Variants in HTRA2 observed in about 807,000 individuals in gnomAD.
HTRA2 encodes the protein serine protease HTRA2, mitochondrial.
HTRA2 carries 24 observed loss-of-function variants against 42.2 expected under a neutral mutation model. The observed-to-expected ratio is 0.57, with a 90% CI of 0.41 to 0.80. The LOEUF (loss-of-function observed/expected upper bound fraction) is 0.80, where lower values mean the gene tolerates loss of function less well. Ranked by LOEUF, HTRA2 falls within the 30% of genes least tolerant of loss-of-function variation. The pLI is 0.00. For missense variants in HTRA2, 466 were observed against 613.5 expected, an observed-to-expected ratio of 0.76 and a Z score of 2.54; for synonymous variants, 245 against 255.8, an observed-to-expected ratio of 0.96 and a Z score of 0.40.
At chr2:74,533,378 TC>T, downstream of HTRA2, 1 of 564,258 alleles carries the variant, frequency 1.8e-6, no homozygotes, top group South Asian at 2.0e-5. Context: ...TCTGGTCTGT[TC>T]TGCTCGGTGC....
chr2:74,530,302 C>G lies in HTRA2; in HGVS notation c.296C>G (p.Ser99Cys). The change falls in exon 1 of 8, where the codon TCT (serine) becomes TGT (cysteine). Residue 99 changes from serine (S) to cysteine (C), a missense_variant. By Grantham distance (112) the Ser-to-Cys change is moderately radical. Coordinates refer to ENST00000258080, the MANE Select transcript of HTRA2 (RefSeq NM_013247.5). The surrounding 1 kb of genome is among the most constrained non-coding windows in gnomAD (Gnocchi z 7.4). ...AGGACCCGGGAGGCCTCAGAGAACTCTGGAACCCGTTCGCGCGCGTGGCTG... is the reference window on the plus strand; with the variant it reads ...AGGACCCGGGAGGCCTCAGAGAACTGTGGAACCCGTTCGCGCGCGTGGCTG... ...DTRTREASEN[S>C]GTRSRAWLAV... The G allele has an allele frequency of 6.2e-7, 1 of 1,601,302 alleles. No individual in the cohort carries two copies. Among genetic ancestry groups the G allele is most frequent in the Non-Finnish European group, 8.5e-7 (1 of 1,172,210 alleles).
chr2:74,530,566 G>T lies in HTRA2; in HGVS notation c.507-51G>T. Reference sequence around the variant, plus strand: ...TGAAGCCACAGGCTGGAGGGCGGGCGGGTAGGAGGGGTCAGAGCCTCCTCT... The same window carrying T: ...TGAAGCCACAGGCTGGAGGGCGGGCTGGTAGGAGGGGTCAGAGCCTCCTCT... On this transcript the variant is annotated intron_variant, in intron 1 of 7. Transcript: ENST00000258080. The surrounding 1 kb of genome is among the most constrained non-coding windows in gnomAD (Gnocchi z 7.4). 6.2e-7 allele frequency: 1 copy of T among 1,613,656 alleles called. No individual in the cohort carries two copies. The highest frequency in any genetic ancestry group is 8.5e-7 in the Non-Finnish European group (1 of 1,179,992).
At position 74,530,378 on chromosome 2, in the gene HTRA2, G is replaced by T. The variant is rs1675499622; in HGVS notation, c.372G>T (p.Gly124=). 11 of 1,591,818 alleles carry T rather than the reference G, an allele frequency of 6.9e-6. No individual in the cohort carries two copies. The highest frequency in any genetic ancestry group is 8.5e-6 in the Non-Finnish European group (10 of 1,170,928). ...CAGTGCTGTTGTTGTTGTGGGGCGG[G>T]GGTCGGGGTCCTCCGGCCGTCCTCG... ...GGAVLLLLWG[G]GRGPPAVLAA... Residue 124 remains glycine, a synonymous_variant, in exon 1 of 8, where the codon GGG becomes GGT. Transcript: ENST00000258080. This position sits in a 1 kb window ranked among gnomAD's most constrained non-coding sequence, Gnocchi z 7.4.
chr2:74,530,261 G>A lies in HTRA2; in HGVS notation c.255G>A (p.Ala85=), dbSNP rs1441882997. Residue 85 remains alanine (A), a synonymous_variant, in exon 1 of 8, where the codon GCG becomes GCA. Coordinates refer to ENST00000258080, the MANE Select transcript of HTRA2 (RefSeq NM_013247.5). The surrounding 1 kb of genome is among the most constrained non-coding windows in gnomAD (Gnocchi z 7.4). ...CGGGTCCCCGGGCACAACTGACTGC[G>A]GTGACCCCAGATACCAGGACCCGGG... ...GTPGPRAQLT[A]VTPDTRTREA... The A allele has an allele frequency of 1.2e-6, 2 of 1,608,350 alleles. No homozygotes were observed. The highest frequency in any genetic ancestry group is 1.7e-6 in the Non-Finnish European group (2 of 1,177,340).
At chr2:74,533,519 T>C, downstream of HTRA2, 1 of 1,225,658 alleles carries the variant, frequency 8.2e-7, no homozygotes, top group Admixed American at 1.9e-5. Context: ...GTTGCTGACA[T>C]GGGTTTCTTG....
chr2:74,529,869 C>G (rs1675454607), upstream of HTRA2: 1 of 1,423,928 alleles, frequency 7.0e-7, no homozygotes, highest in Admixed American at 2.8e-5. Flanking sequence ...AGGAGTCGGC[C>G]TCCCGGAATC....
upstream of HTRA2, chr2:74,529,852 G>A: frequency 7.1e-7 from 1 of 1,417,376 alleles, no homozygotes; most frequent in East Asian, 2.5e-5. Context: ...GCATTCGTGG[G>A]GCAGGGAGGA....
rs201615648 is a variant in HTRA2, at chr2:74,531,688, G to A, written c.1031G>A (p.Arg344His). The A allele has an allele frequency of 1.2e-5, 20 of 1,614,070 alleles. No homozygotes were observed. In the Admixed American group the frequency reaches 1.3e-4, roughly 11 times the overall value. Residue 344 changes from arginine (R) to histidine (H), a missense_variant, in exon 5 of 8, where the codon CGT becomes CAT. By Grantham distance (29) the Arg-to-His change is conservative (BLOSUM62 0). Coordinates refer to ENST00000258080, the MANE Select transcript of HTRA2 (RefSeq NM_013247.5). ...PSDRLREFLH[R>H]GEKKNSSSGI... is the part of the protein sequence containing the mutation. ...GATCGTCTTCGAGAGTTTCTGCATCGTGGGGAAAAGAAGAGTGAGCCTGCC... is the reference window on the plus strand; with the variant it reads ...GATCGTCTTCGAGAGTTTCTGCATCATGGGGAAAAGAAGAGTGAGCCTGCC...
rs971048450 is a variant in HTRA2 at position 74,530,632 on chromosome 2, C to T, written c.522C>T (p.Gly174=). The T allele has an allele frequency of 3.7e-6, 6 of 1,614,138 alleles. No homozygotes were observed. The highest frequency in any genetic ancestry group is 5.1e-6 in the Non-Finnish European group (6 of 1,180,038). ...TCCATTTCAGGCACCCTTTCTTGGG[C>T]CGCGAGGTCCCTATCTCGAACGGCT... ...IEILDRHPFL[G]REVPISNGSG... Residue 174 remains glycine, a synonymous_variant, in exon 2 of 8, where the codon GGC becomes GGT. Transcript: ENST00000258080. The surrounding 1 kb of genome is among the most constrained non-coding windows in gnomAD (Gnocchi z 7.4).
chr2:74,531,843 C>G lies in HTRA2; in HGVS notation c.1046-13C>G. On this transcript the variant is annotated splice_polypyrimidine_tract_variant and intron_variant, in intron 5 of 7. Coordinates refer to ENST00000258080, the MANE Select transcript of HTRA2 (RefSeq NM_013247.5). ...ATGTAGCTGGGTGGGGCTCATTTGT[C>G]CCTCTGTCACAGATTCCTCCTCCGG... 1.9e-6 allele frequency: 3 copies of G among 1,613,700 alleles called. No individual in the cohort carries two copies. The highest frequency in any genetic ancestry group is 2.5e-6 in the Non-Finnish European group (3 of 1,180,006).
chr2:74,533,031 C>A lies in HTRA2; in HGVS notation c.*46C>A, dbSNP rs370663505. The A allele has an allele frequency of 5.6e-6, 9 of 1,596,464 alleles. No homozygotes were observed. In the African/African-American group the frequency reaches 1.1e-4, roughly 19 times the overall value. ...GGCTCCTGCTCTGATTTCCTCCTTGCCTTTCTGGCTGAGGTTCTGAGGGCA... is the reference window on the plus strand; with the variant it reads ...GGCTCCTGCTCTGATTTCCTCCTTGACTTTCTGGCTGAGGTTCTGAGGGCA... On this transcript the variant is annotated 3_prime_UTR_variant, in exon 8 of 8. Coordinates refer to ENST00000258080, the MANE Select transcript of HTRA2 (RefSeq NM_013247.5).
rs1675551758 is a variant in HTRA2, at chr2:74,531,045, C to T, written c.846C>T (p.Ala282=). ...TTGTTAGCTCTGCTCAGCGTCCAGC[C>T]AGAGACCTGGGACTCCCCCAAACCA... The part of the protein sequence containing the change: ...SGIVSSAQRP[A]RDLGLPQTNV... The change falls in exon 3 of 8, where the codon GCC becomes GCT. Residue 282 remains alanine (A), a synonymous_variant. Coordinates refer to ENST00000258080, the MANE Select transcript of HTRA2 (RefSeq NM_013247.5). 1 of 1,614,098 alleles carries T rather than the reference C, an allele frequency of 6.2e-7. No individual in the cohort carries two copies. The highest frequency in any genetic ancestry group is 8.5e-7 in the Non-Finnish European group (1 of 1,180,054).
rs1321110411 is a variant in HTRA2 at position 74,530,092 on chromosome 2, C to T, written c.86C>T (p.Pro29Leu). Residue 29 changes from proline (P) to leucine (L), a missense_variant, in exon 1 of 8, where the codon CCC becomes CTC. Coordinates refer to ENST00000258080, the MANE Select transcript of HTRA2 (RefSeq NM_013247.5). The surrounding 1 kb of genome is among the most constrained non-coding windows in gnomAD (Gnocchi z 7.4). ...ALGGIRWGRR[P>L]RLTPDLRALL... ...GGGGGCATTCGCTGGGGGAGGAGAC[C>T]CCGTTTGACCCCTGACCTCCGGGCC... The T allele has an allele frequency of 3.1e-6, 5 of 1,597,740 alleles. No individual in the cohort carries two copies. The South Asian group carries it at 4.4e-5, about 14-fold the overall frequency.
chr2:74,531,836 C>T lies in HTRA2; in HGVS notation c.1046-20C>T, dbSNP rs1222283652. 1.9e-6 allele frequency: 3 copies of T among 1,613,560 alleles called. No individual in the cohort carries two copies. Among genetic ancestry groups the T allele is most frequent in the Non-Finnish European group, 2.5e-6 (3 of 1,179,984 alleles). ...AGGAAGGATGTAGCTGGGTGGGGCTCATTTGTCCCTCTGTCACAGATTCCT... is the reference window on the plus strand; with the variant it reads ...AGGAAGGATGTAGCTGGGTGGGGCTTATTTGTCCCTCTGTCACAGATTCCT... On this transcript the variant is annotated intron_variant, in intron 5 of 7. Transcript: ENST00000258080.
At chr2:74,529,728 G>A (rs750551522), upstream of HTRA2, 1 of 1,522,768 alleles carries the variant, frequency 6.6e-7, no homozygotes, top group Non-Finnish European at 8.8e-7. Context: ...GCATCCGCCC[G>A]GGGTGAGGGG....
At chr2:74,532,521 C>T in intron 6 of HTRA2, 98 bp from the exon 7 acceptor site, 1 of 902,708 alleles carries the variant, frequency 1.1e-6, no homozygotes. Context: ...CATGTCCTGT[C>T]CATATATTTA....
chr2:74,531,545 C>G (rs1027464962), intron 4 of HTRA2, 52 bp from the exon 5 acceptor site: 1 of 1,613,312 alleles, frequency 6.2e-7, no homozygotes, highest in Non-Finnish European at 8.5e-7. Flanking sequence ...TCGGGTGCCC[C>G]CATCCCCTAC....
chr2:74,529,641 C>A, upstream of HTRA2: 1 of 1,556,082 alleles, frequency 6.4e-7, no homozygotes, highest in Non-Finnish European at 8.7e-7. Flanking sequence ...ACTGCTGCTT[C>A]AGGAGCGCCC....
chr2:74,531,757 G>T, intron 5 of HTRA2, 55 bp downstream of exon 5: 1 of 1,612,504 alleles, frequency 6.2e-7, no homozygotes, highest in Non-Finnish European at 8.5e-7. Flanking sequence ...AATAGGGGAA[G>T]GGCATTCAGT....
Sources: gnomAD v4.1 joint callset for allele counts on GRCh38, gnomAD v4.1.1 for gene constraint, Gnocchi (gnomAD v3.1) non-coding constraint, MANE v1.5 for transcripts, NCBI Gene and HGNC (gene_info 2026-07-23, HGNC 2026-07-21) for gene names.